The following CHID1 variants were observed in gnomAD, a reference collection of about 807,000 sequenced individuals.
CHID1 encodes the protein chitinase domain-containing protein 1.
CHID1 carries 44 observed loss-of-function variants against 55.4 expected under a neutral mutation model. That is an observed-to-expected ratio of 0.79 (90% confidence interval 0.62 to 1.02). CHID1 has a LOEUF of 1.02. CHID1 is among the 50% of genes least tolerant of loss of function. The pLI is 0.00. For missense variants in CHID1, 491 were observed against 515.3 expected, an observed-to-expected ratio of 0.95 and a Z score of 0.46; for synonymous variants, 216 against 212.9, an observed-to-expected ratio of 1.01 and a Z score of -0.13.
At chr11:871,203 A>G (rs28501153) in intron 10 of CHID1, among the ~76,000 whole-genome samples, 150,915 of 152,194 alleles carry the variant, frequency 0.99, 74,840 homozygotes, top group Middle Eastern at 1. Flanking sequence ...GTATTGGCCA[A>G]GCTGGTCTCG....
chr11:884,507 G>A (rs1001972791), intron 8 of CHID1, among the ~76,000 whole-genome samples: 1 of 152,202 alleles, frequency 6.6e-6, no homozygotes, highest in Non-Finnish European at 1.5e-5. Context: ...ACTCCCAAGA[G>A]CTGGGGTTGC....
intron 1 of CHID1, among the ~76,000 whole-genome samples, chr11:909,996 T>C (rs1192746761): frequency 6.6e-6 from 1 of 151,236 alleles, no homozygotes; most frequent in Non-Finnish European, 1.5e-5. Context: ...GAAGCGGAGG[T>C]TGCAGTGAAC....
chr11:897,913 T>C (rs1183693427), intron 7 of CHID1, among the ~76,000 whole-genome samples: 2 of 150,914 alleles, frequency 1.3e-5, no homozygotes, highest in Non-Finnish European at 3.0e-5. Flanking sequence ...TGGCGGAGGG[T>C]GTGGGGGTCT....
intron 1 of CHID1, among the ~76,000 whole-genome samples, chr11:909,570 TAC>T (rs1852491456): frequency 6.6e-6 from 1 of 152,248 alleles, no homozygotes; most frequent in African/African-American, 2.4e-5. Context: ...AAATGCACTT[TAC>T]GTCACAGCCC....
chr11:911,013 AG>A (rs1852651651), upstream of CHID1: 1 of 159,246 alleles, frequency 6.3e-6, no homozygotes, highest in African/African-American at 2.4e-5. Flanking sequence ...GTTCACCTTG[AG>A]CGCCCCTGGT....
intron 8 of CHID1, among the ~76,000 whole-genome samples, chr11:891,806 G>T (rs941949586): frequency 2.0e-5 from 3 of 152,142 alleles, no homozygotes; most frequent in Non-Finnish European, 4.4e-5. Flanking sequence ...TCAAACCCTG[G>T]GAACACAGGT....
upstream of CHID1, among the ~76,000 whole-genome samples, chr11:912,734 C>CT (rs1337754026): frequency 3.6e-3 from 550 of 151,490 alleles, 16 homozygotes; most frequent in East Asian, 0.091. Flanking sequence ...GTCCCAGCTA[C>CT]TTGGGAGGCT....
chr11:893,633 G>T, intron 7 of CHID1, 114 bp from the exon 8 acceptor site: 1 of 762,646 alleles, frequency 1.3e-6, no homozygotes, highest in Non-Finnish European at 2.1e-6. Context: ...CTGACACCCT[G>T]CAGCAGGGCA....
chr11:904,728 G>A lies in CHID1; in HGVS notation c.89C>T (p.Ala30Val), dbSNP rs749230118. 16 of 1,614,046 alleles carry A rather than the reference G, an allele frequency of 9.9e-6. No individual in the cohort carries two copies. In the African/African-American group the frequency reaches 1.7e-4, roughly 17 times the overall value. Residue 30 changes from alanine to valine, a missense_variant, in exon 2 of 13, where the codon GCC (alanine) becomes GTC (valine). Transcript: ENST00000323578. ...TACCTTCTCCAGCAGCGTCTTTGAG[G>A]CGGCTTTTTTGGCATCTGACTTTGA... ...TLSKSDAKKA[A>V]SKTLLEKSQF...
At chr11:874,878 G>C (rs1849400632) in intron 10 of CHID1, 1 of 152,360 alleles carries the variant, frequency 6.6e-6, no homozygotes, top group Non-Finnish European at 1.5e-5. Flanking sequence ...GGAGGCAGCA[G>C]ACAGAAGACA....
chr11:878,795 G>A (rs376144130), intron 10 of CHID1, among the ~76,000 whole-genome samples: 10 of 151,520 alleles, frequency 6.6e-5, no homozygotes, highest in East Asian at 2.0e-4. Context: ...TCTGCCTCCC[G>A]GGTCCAAGTG....
chr11:891,088 T>C (rs894129878), intron 8 of CHID1, among the ~76,000 whole-genome samples: 5 of 149,424 alleles, frequency 3.3e-5, no homozygotes, highest in Non-Finnish European at 5.9e-5. Context: ...TCCCTCAGAG[T>C]GGGATGGGGG....
intron 7 of CHID1, among the ~76,000 whole-genome samples, chr11:897,193 C>G (rs7931892): frequency 8.7e-5 from 6 of 69,344 alleles, no homozygotes; most frequent in Middle Eastern, 6.6e-3. Flanking sequence ...CAGACACGAG[C>G]CTGTCTCAGC....
intron 7 of CHID1, among the ~76,000 whole-genome samples, chr11:895,507 C>G (rs1025426128): frequency 1.3e-5 from 2 of 152,156 alleles, no homozygotes; most frequent in Non-Finnish European, 2.9e-5. Flanking sequence ...CACGACAGAC[C>G]CCCTCATACT....
chr11:889,363 T>C (rs1850638279), intron 8 of CHID1, among the ~76,000 whole-genome samples: 1 of 152,092 alleles, frequency 6.6e-6, no homozygotes, highest in Admixed American at 6.5e-5. Flanking sequence ...AGCTGCCATC[T>C]CTGGGTGACA....
At chr11:891,952 A>C (rs1850860217) in intron 8 of CHID1, among the ~76,000 whole-genome samples, 1 of 151,652 alleles carries the variant, frequency 6.6e-6, no homozygotes, top group Non-Finnish European at 1.5e-5. Flanking sequence ...AAAAAAAAAA[A>C]AAAAAAAACA....
chr11:872,821 T>C (rs937653303), intron 10 of CHID1, among the ~76,000 whole-genome samples: 4 of 152,150 alleles, frequency 2.6e-5, no homozygotes, highest in African/African-American at 7.2e-5. Flanking sequence ...CCTCGGGCTG[T>C]GGGGAGCTCT....
upstream of CHID1, among the ~76,000 whole-genome samples, chr11:913,268 A>T (rs945188639): frequency 2.6e-5 from 4 of 152,146 alleles, no homozygotes; most frequent in Admixed American, 2.6e-4. Flanking sequence ...CTCCTGCGTC[A>T]GCCTCCCCAA....
intron 10 of CHID1, chr11:882,884 G>C (rs1850089499): frequency 1.2e-5 from 5 of 414,192 alleles, no homozygotes; most frequent in South Asian, 4.0e-5. Flanking sequence ...GCTGACGGGT[G>C]GGGGAAGCCT....
Sources: gnomAD v4.1 joint callset for allele counts (sites outside exome capture counted in the v4.1 genomes callset) on GRCh38, gnomAD v4.1.1 for gene constraint, MANE v1.5 for transcripts, NCBI Gene and HGNC (gene_info 2026-07-23, HGNC 2026-07-21) for gene names.